CELF4: variants seen among roughly 807,000 people sequenced by gnomAD.
CELF4 encodes the protein CUG-BP- and ETR-3-like factor 4.
In CELF4, 18 loss-of-function variants were observed where a neutral mutation model predicts 59.9. The ratio of observed to expected loss-of-function variants is 0.30; its 90% CI spans 0.21 to 0.45. CELF4 has a LOEUF of 0.45. Among genes scored for constraint, CELF4 ranks in the 20% least tolerant of loss-of-function variants. The pLI is 1.00. For missense variants in CELF4, 456 were observed against 689.0 expected (o/e 0.66, Z 3.79); for synonymous variants, 261 against 267.1 (o/e 0.98, Z 0.22).
At chr18:37,338,441 C>T (rs2154545584) in intron 2 of CELF4, among the ~76,000 whole-genome samples, 1 of 151,324 alleles carries the variant, frequency 6.6e-6, no homozygotes, top group East Asian at 1.9e-4. Flanking sequence ...CTGTCACTGT[C>T]ACCACTGTCA....
chr18:37,479,566 A>G (rs2099860515), intron 2 of CELF4, among the ~76,000 whole-genome samples: 1 of 152,204 alleles, frequency 6.6e-6, no homozygotes, highest in South Asian at 2.1e-4. Context: ...TTCAGGGAAT[A>G]TGAGAAAGAA....
At chr18:37,398,671 A>G (rs948650753) in intron 2 of CELF4, among the ~76,000 whole-genome samples, 1 of 152,052 alleles carries the variant, frequency 6.6e-6, no homozygotes, top group Non-Finnish European at 1.5e-5. Flanking sequence ...AGGGACACGT[A>G]CCAGCCACTG....
intron 2 of CELF4, among the ~76,000 whole-genome samples, chr18:37,406,072 G>A (rs955392027): frequency 6.6e-6 from 1 of 152,084 alleles, no homozygotes; most frequent in African/African-American, 2.4e-5. Context: ...GATAGAAGAC[G>A]CAGGTTCGCT....
Position 37,317,030 on chromosome 18 carries a change from G to T in CELF4, c.448+4773C>A, listed in dbSNP as rs112002873. Among the ~76,000 whole-genome samples the T allele has an allele frequency of 2.8e-3, 424 of 152,294 alleles. 3 individuals carry two copies. Among genetic ancestry groups the T allele is most frequent in the African/African-American group, 9.7e-3 (403 of 41,558 alleles). On this transcript the variant is annotated intron_variant, in intron 3 of 12. Coordinates refer to ENST00000420428, the MANE Select transcript of CELF4 (RefSeq NM_020180.4). ...GGAACAAGTTATCTAGCCTCTCTGT[G>T]CCTTGGTTTGTGCCTTTAAGTGGGG...
At chr18:37,478,941 G>C (rs552452301) in intron 2 of CELF4, among the ~76,000 whole-genome samples, 8 of 152,178 alleles carry the variant, frequency 5.3e-5, no homozygotes, top group Non-Finnish European at 8.8e-5. Flanking sequence ...TCTTCTGAAG[G>C]TATGGGCTGG....
At chr18:37,548,932 C>T (rs1365021368) in intron 1 of CELF4, among the ~76,000 whole-genome samples, 1 of 152,216 alleles carries the variant, frequency 6.6e-6, no homozygotes, top group Non-Finnish European at 1.5e-5. Flanking sequence ...TCCAGGCCAC[C>T]CCTGAATGAT....
chr18:37,427,621 C>A (rs905023604), intron 2 of CELF4, among the ~76,000 whole-genome samples: 2 of 152,198 alleles, frequency 1.3e-5, no homozygotes, highest in Admixed American at 6.5e-5. Context: ...TGGTTCCCTG[C>A]AGGTTCCCCA....
At chr18:37,325,567 C>T (rs1351346166) in intron 2 of CELF4, among the ~76,000 whole-genome samples, 4 of 152,200 alleles carry the variant, frequency 2.6e-5, no homozygotes, top group Non-Finnish European at 5.9e-5. Flanking sequence ...CAGGAGCCCT[C>T]CCAACCAGAC....
intron 1 of CELF4, among the ~76,000 whole-genome samples, chr18:37,494,343 C>A (rs1307942219): frequency 1.3e-5 from 2 of 152,224 alleles, no homozygotes; most frequent in African/African-American, 4.8e-5. Flanking sequence ...CTGATGGGCC[C>A]ATGAGGTTCA....
intron 2 of CELF4, among the ~76,000 whole-genome samples, chr18:37,457,607 G>A (rs1270898064): frequency 6.6e-6 from 1 of 152,140 alleles, no homozygotes; most frequent in Non-Finnish European, 1.5e-5. Context: ...AAGGCTTCCT[G>A]CTATTGACAG....
chr18:37,289,474 C>T (rs2095150491), intron 3 of CELF4, among the ~76,000 whole-genome samples: 2 of 152,278 alleles, frequency 1.3e-5, no homozygotes, highest in Non-Finnish European at 2.9e-5. Context: ...GCTGCTCTGC[C>T]AGGAGCAGGT....
chr18:37,451,104 G>C (rs1196063799), intron 2 of CELF4, among the ~76,000 whole-genome samples: 1 of 152,226 alleles, frequency 6.6e-6, no homozygotes, highest in East Asian at 1.9e-4. Flanking sequence ...ACCAGGCTCT[G>C]CAATGGGACA....
At chr18:37,313,870 AT>A (rs1191887225) in intron 3 of CELF4, among the ~76,000 whole-genome samples, 1 of 152,228 alleles carries the variant, frequency 6.6e-6, no homozygotes, top group African/African-American at 2.4e-5. Flanking sequence ...AGTCACTCAC[AT>A]TGTATCCAAC....
At chr18:37,491,473 T>C (rs1395251698) in intron 1 of CELF4, among the ~76,000 whole-genome samples, 1 of 152,152 alleles carries the variant, frequency 6.6e-6, no homozygotes, top group Admixed American at 6.5e-5. Context: ...AGACTTTCAA[T>C]TCAGTGAGGG....
intron 2 of CELF4, among the ~76,000 whole-genome samples, chr18:37,344,866 C>T (rs1321135276): frequency 6.6e-6 from 1 of 152,208 alleles, no homozygotes; most frequent in Non-Finnish European, 1.5e-5. Context: ...TCCTGGATTT[C>T]ATCCCCCTAG....
intron 1 of CELF4, among the ~76,000 whole-genome samples, chr18:37,504,051 G>A (rs1483268674): frequency 6.6e-6 from 1 of 152,186 alleles, no homozygotes; most frequent in South Asian, 2.1e-4. Context: ...AGAGACCTGG[G>A]CTAGAAATCA....
intron 2 of CELF4, among the ~76,000 whole-genome samples, chr18:37,484,293 C>T (rs1042610757): frequency 6.6e-6 from 1 of 152,102 alleles, no homozygotes; most frequent in African/African-American, 2.4e-5. Context: ...TAACATGGGG[C>T]GATGTGAGGC....
At chr18:37,425,464 A>G (rs2099606116) in intron 2 of CELF4, among the ~76,000 whole-genome samples, 1 of 152,242 alleles carries the variant, frequency 6.6e-6, no homozygotes, top group Non-Finnish European at 1.5e-5. Flanking sequence ...CCTGGCTCCC[A>G]GATTGCCTCC....
intron 1 of CELF4, among the ~76,000 whole-genome samples, chr18:37,507,000 G>A (rs1378302198): frequency 2.6e-5 from 4 of 152,188 alleles, no homozygotes; most frequent in Non-Finnish European, 5.9e-5. Flanking sequence ...TCAGGTGAGG[G>A]AAACTAGAGC....
Sources: allele counts gnomAD v4.1 joint callset (sites outside exome capture counted in the v4.1 genomes callset), GRCh38; gene constraint gnomAD v4.1.1; transcripts MANE v1.5; gene names NCBI Gene and HGNC (gene_info 2026-07-23, HGNC 2026-07-21).